Variants in PHF20 observed in about 807,000 individuals in gnomAD.
PHF20 encodes PHD finger protein 20, also known as glioma-expressed antigen 2.
Under a neutral mutation model 113.5 loss-of-function variants are expected in PHF20, and 23 were observed. The ratio of observed to expected loss-of-function variants is 0.20; its 90% CI spans 0.15 to 0.29. PHF20 has a LOEUF of 0.29. Among genes scored for constraint, PHF20 ranks in the 10% least tolerant of loss-of-function variants. The pLI is 1.00. For missense variants in PHF20, 943 were observed against 1,219.6 expected, an observed-to-expected ratio of 0.77 and a Z score of 3.38; for synonymous variants, 434 against 457.3, an observed-to-expected ratio of 0.95 and a Z score of 0.65.
chr20:35,858,973 C>G (rs2146965370), intron 5 of PHF20, among the ~76,000 whole-genome samples: 1 of 152,248 alleles, frequency 6.6e-6, no homozygotes, highest in African/African-American at 2.4e-5. Context: ...AATGGTTATT[C>G]TTTTCTTCTC....
At chr20:35,829,804 A>G (rs1469511437) in intron 2 of PHF20, among the ~76,000 whole-genome samples, 1 of 151,988 alleles carries the variant, frequency 6.6e-6, no homozygotes, top group African/African-American at 2.4e-5. Context: ...AGACCAGCCT[A>G]GGTAACGTGG....
chr20:35,804,569 G>A (rs1465416783), intron 2 of PHF20, among the ~76,000 whole-genome samples: 5 of 151,456 alleles, frequency 3.3e-5, no homozygotes, highest in South Asian at 2.1e-4. Flanking sequence ...ATGGGGTTTC[G>A]CCATTTTGGC....
At chr20:35,832,352 A>G (rs1170873909) in intron 2 of PHF20, among the ~76,000 whole-genome samples, 2 of 152,142 alleles carry the variant, frequency 1.3e-5, no homozygotes, top group Non-Finnish European at 2.9e-5. Context: ...AATTATTTGT[A>G]CCTATAGACA....
At chr20:35,921,108 G>A (rs527277929) in intron 13 of PHF20, among the ~76,000 whole-genome samples, 2 of 152,200 alleles carry the variant, frequency 1.3e-5, no homozygotes, top group East Asian at 1.9e-4. Flanking sequence ...TCTCTATTTG[G>A]TTATACAACA....
In PHF20 at chr20:35,914,208, T is replaced by C; in HGVS notation, c.1825+11T>C. 1 of 1,611,716 alleles carries C rather than the reference T, an allele frequency of 6.2e-7. No individual in the cohort carries two copies. Among genetic ancestry groups the C allele is most frequent in the African/African-American group, 1.3e-5 (1 of 74,948 alleles). ...AAGTGAAAGCATTGGGTAAGGAGGC[T>C]CTTCTGTCCTGATCATTTGCTGATC... On this transcript the variant is annotated intron_variant, in intron 12 of 17. Coordinates refer to ENST00000374012, the MANE Select transcript of PHF20 (RefSeq NM_016436.5).
intron 1 of PHF20, among the ~76,000 whole-genome samples, chr20:35,789,055 G>A (rs1207637109): frequency 6.6e-6 from 1 of 152,120 alleles, no homozygotes; most frequent in Non-Finnish European, 1.5e-5. Flanking sequence ...GGAGAATGCA[G>A]GTGTGAAGGA....
intron 9 of PHF20, among the ~76,000 whole-genome samples, chr20:35,888,272 C>T (rs112743466): frequency 0.011 from 1,731 of 152,222 alleles, 24 homozygotes; most frequent in African/African-American, 0.039. Context: ...TGAGCCACCA[C>T]GCCTGGCCTA....
intron 2 of PHF20, among the ~76,000 whole-genome samples, chr20:35,816,634 A>T (rs2042079116): frequency 6.6e-6 from 1 of 151,830 alleles, no homozygotes; most frequent in Non-Finnish European, 1.5e-5. Flanking sequence ...TTGTAATTTT[A>T]GTAGAGTTCG....
chr20:35,896,535 G>C lies in PHF20; in HGVS notation c.1283-2835G>C, dbSNP rs188192152. On this transcript the variant is annotated intron_variant, in intron 9 of 17. Transcript: ENST00000374012. ...CACACAAGAGGTTCTTGTGGCCTGG[G>C]GGCGGTGGCTCACACCTGTAATTCC... is the stretch of plus-strand genomic sequence containing the variant. Among the ~76,000 whole-genome samples, 581 of 152,128 alleles carry C rather than the reference G, an allele frequency of 3.8e-3. 4 individuals are homozygous for C. The highest frequency in any genetic ancestry group is 0.013 in the African/African-American group (557 of 41,500).
intron 1 of PHF20, among the ~76,000 whole-genome samples, chr20:35,787,932 C>T (rs897464072): frequency 6.6e-6 from 1 of 151,696 alleles, no homozygotes; most frequent in Non-Finnish European, 1.5e-5. Context: ...CCCTTGGCAC[C>T]ACACCCGGCT....
In PHF20 at chr20:35,947,778, A is replaced by G; in HGVS notation, c.*151A>G. The G allele has an allele frequency of 1.3e-6, 1 of 787,644 alleles. No homozygotes were observed. Among genetic ancestry groups the G allele is most frequent in the Non-Finnish European group, 2.0e-6 (1 of 509,026 alleles). The allele number at this position is 787,644 out of a possible 1,614,324, so 48.8% of individuals were successfully genotyped here. On this transcript the variant is annotated 3_prime_UTR_variant, in exon 18 of 18. Transcript: ENST00000374012. ...CCAGGAGTGTGGTGGACATTGGACA[A>G]AGAGGCCATTTTGGCTGCGGGAGGA...
chr20:35,881,098 C>T (rs2054624600), intron 9 of PHF20, among the ~76,000 whole-genome samples: 1 of 129,500 alleles, frequency 7.7e-6, no homozygotes, highest in Admixed American at 8.3e-5. Context: ...GCTCTTGTCA[C>T]CCAGGCTGGA....
At position 35,863,079 on chromosome 20, in the gene PHF20, C is replaced by A. The variant is rs370884660; in HGVS notation, c.487C>A (p.Arg163=). The A allele has an allele frequency of 1.2e-6, 2 of 1,609,572 alleles. No homozygotes were observed. The highest frequency in any genetic ancestry group is 2.2e-5 in the South Asian group (2 of 90,424). Residue 163 remains arginine, a synonymous_variant, in exon 6 of 18, where the codon CGA becomes AGA. Transcript: ENST00000374012. ...HKSLSSSPDK[R]EKFKEQRKAT... is the part of the protein sequence containing the mutation. The stretch of plus-strand genomic sequence containing the variant: ...AAGTCTTTCATCATCTCCTGATAAA[C>A]GAGAGAAGTTTAAAGAACAGAGAAA...
At chr20:35,844,126 G>A (rs996783991) in intron 3 of PHF20, among the ~76,000 whole-genome samples, 4 of 151,492 alleles carry the variant, frequency 2.6e-5, no homozygotes, top group African/African-American at 4.9e-5. Context: ...TTTTTGAGAC[G>A]GGGTCTTGCT....
At chr20:35,795,404 T>G (rs1334331777) in intron 1 of PHF20, among the ~76,000 whole-genome samples, 2 of 151,752 alleles carry the variant, frequency 1.3e-5, no homozygotes, top group Non-Finnish European at 2.9e-5. Flanking sequence ...CTGGCTAATT[T>G]CTGTATTTTT....
At chr20:35,917,683 A>G (rs773802475) in intron 13 of PHF20, 21 bp downstream of exon 13, 2 of 1,605,586 alleles carry the variant, frequency 1.2e-6, no homozygotes, top group African/African-American at 1.3e-5. Context: ...CTTCCAGGAA[A>G]CAGGTCTAGA....
At chr20:35,901,659 G>T (rs937416959) in intron 10 of PHF20, among the ~76,000 whole-genome samples, 1 of 152,050 alleles carries the variant, frequency 6.6e-6, no homozygotes, top group African/African-American at 2.4e-5. Flanking sequence ...GGTTGTTGTG[G>T]TCATTTCTTA....
At chr20:35,899,236 G>A in intron 9 of PHF20, 134 bp from the exon 10 acceptor site, 1 of 661,288 alleles carries the variant, frequency 1.5e-6, no homozygotes, top group African/African-American at 1.8e-5. Context: ...AATTTGAGGA[G>A]GTAATGGCAG....
chr20:35,941,768 A>C (rs1469215690), intron 17 of PHF20, among the ~76,000 whole-genome samples: 1 of 152,234 alleles, frequency 6.6e-6, no homozygotes, highest in East Asian at 1.9e-4. Flanking sequence ...ACATACATGA[A>C]ATAACTCAGG....
Sources: allele counts gnomAD v4.1 joint callset (sites outside exome capture counted in the v4.1 genomes callset), GRCh38; gene constraint gnomAD v4.1.1; transcripts MANE v1.5; gene names NCBI Gene and HGNC (gene_info 2026-07-23, HGNC 2026-07-21).